The following ADGRG7 variants were observed in gnomAD, a reference collection of about 807,000 sequenced individuals.
ADGRG7 encodes G-protein coupled receptor 128.
A neutral mutation model predicts 88.6 loss-of-function variants in ADGRG7; 82 were observed. The ratio of observed to expected loss-of-function variants is 0.93; its 90% CI spans 0.77 to 1.11. ADGRG7 has a LOEUF of 1.11. Among genes scored for constraint, ADGRG7 ranks in the 50% most tolerant of loss-of-function variants. The probability of loss-of-function intolerance (pLI) is 0.00; values close to 1 mark genes in which losing one functional copy is unlikely to be tolerated. For synonymous variants in ADGRG7, 381 were observed against 345.2 expected (o/e 1.10, Z -1.15); for missense variants, 945 against 953.4 (o/e 0.99, Z 0.12).
At chr3:100,623,912 G>A (rs1446669646) in intron 1 of ADGRG7, among the ~76,000 whole-genome samples, 2 of 152,076 alleles carry the variant, frequency 1.3e-5, no homozygotes, top group African/African-American at 2.4e-5. Flanking sequence ...AGTATTTCAT[G>A]GTGTATATGT....
chr3:100,684,410 C>T (rs1237733720), intron 15 of ADGRG7, among the ~76,000 whole-genome samples: 1 of 151,952 alleles, frequency 6.6e-6, no homozygotes, highest in Non-Finnish European at 1.5e-5. Context: ...ACTACAGGCA[C>T]GTGGCACCAT....
chr3:100,686,567 G>C (rs1215027325), intron 15 of ADGRG7, among the ~76,000 whole-genome samples: 3 of 152,172 alleles, frequency 2.0e-5, no homozygotes, highest in Non-Finnish European at 4.4e-5. Flanking sequence ...GTATAAGGAA[G>C]GGATCCAGTT....
At chr3:100,683,722 G>T (rs1049073845) in intron 15 of ADGRG7, among the ~76,000 whole-genome samples, 5 of 152,224 alleles carry the variant, frequency 3.3e-5, no homozygotes, top group African/African-American at 1.2e-4. Flanking sequence ...TGTTGGCAAA[G>T]GTGCCACTGG....
At chr3:100,681,178 T>TA (rs918216324) in intron 15 of ADGRG7, among the ~76,000 whole-genome samples, 7 of 151,970 alleles carry the variant, frequency 4.6e-5, no homozygotes, top group African/African-American at 1.7e-4. Flanking sequence ...AAATGGTGGA[T>TA]AAAAATAAAT....
chr3:100,652,143 T>C, intron 11 of ADGRG7, among the ~76,000 whole-genome samples: 1 of 152,110 alleles, frequency 6.6e-6, no homozygotes, highest in East Asian at 1.9e-4. Context: ...TATAAAAAGA[T>C]TCTTCTGAGT....
At chr3:100,665,938 C>A (rs1246558765) in intron 14 of ADGRG7, among the ~76,000 whole-genome samples, 1 of 152,068 alleles carries the variant, frequency 6.6e-6, no homozygotes, top group East Asian at 1.9e-4. Context: ...AACAAATTGC[C>A]CCAAAACTTA....
chr3:100,657,374 G>T (rs1476806328), intron 13 of ADGRG7, among the ~76,000 whole-genome samples: 1 of 152,170 alleles, frequency 6.6e-6, no homozygotes, highest in Non-Finnish European at 1.5e-5. Flanking sequence ...CTCCCCTGTT[G>T]CTCCCAGTTC....
intron 1 of ADGRG7, among the ~76,000 whole-genome samples, chr3:100,617,344 A>G (rs1307573973): frequency 1.3e-5 from 2 of 150,424 alleles, no homozygotes. Context: ...AACATTAGGT[A>G]TATCTCCTAA....
intron 15 of ADGRG7, among the ~76,000 whole-genome samples, chr3:100,671,210 C>T (rs1408273961): frequency 5.9e-5 from 9 of 152,220 alleles, no homozygotes; most frequent in Admixed American, 4.6e-4. Flanking sequence ...TCTCCAGCAT[C>T]TGTTGTTACC....
At chr3:100,676,727 G>A (rs888139658) in intron 15 of ADGRG7, among the ~76,000 whole-genome samples, 15 of 151,640 alleles carry the variant, frequency 9.9e-5, no homozygotes, top group African/African-American at 3.4e-4. Flanking sequence ...GTCGTATTAG[G>A]GTATATATCT....
In ADGRG7 at chr3:100,655,966, G is replaced by A. The variant is rs41272977; in HGVS notation, c.1794G>A (p.Gln598=). 5.6e-3 allele frequency: 8,952 copies of A among 1,608,392 alleles called. 50 individuals are homozygous for A. Among genetic ancestry groups the A allele is most frequent in the African/African-American group, 0.018 (1,383 of 74,904 alleles). The part of the protein sequence containing the change: ...VIYSQNGNNP[Q]WELDYRQEKI... ...ATTCTCAGAATGGAAATAATCCACA[G>A]TGGGAATTAGACTACCGGCAAGAGA... Residue 598 remains glutamine (Q), a synonymous_variant, in exon 13 of 16, where the codon CAG becomes CAA. Coordinates refer to ENST00000273352, the MANE Select transcript of ADGRG7 (RefSeq NM_032787.3).
In ADGRG7 at chr3:100,648,837, T is replaced by C. The variant is rs1200096892; in HGVS notation, c.1267-858T>C. On this transcript the variant is annotated intron_variant, in intron 10 of 15. Transcript: ENST00000273352. ...ACAGATAAGCAAAATGAACTATACA[T>C]ATCCAACCCACCCTGTGACCACCAC... Among the ~76,000 whole-genome samples, 8 of 152,122 alleles carry C rather than the reference T, an allele frequency of 5.3e-5. No homozygotes were observed. The East Asian group carries it at 1.5e-3, about 29-fold the overall frequency.
At chr3:100,611,147 T>TA (rs1441165727) in intron 1 of ADGRG7, among the ~76,000 whole-genome samples, 3 of 152,232 alleles carry the variant, frequency 2.0e-5, no homozygotes, top group Non-Finnish European at 2.9e-5. Flanking sequence ...TCATTCAGGT[T>TA]AAAAAATTAT....
chr3:100,644,997 C>T (rs1707716956), intron 8 of ADGRG7, among the ~76,000 whole-genome samples: 1 of 152,242 alleles, frequency 6.6e-6, no homozygotes, highest in Non-Finnish European at 1.5e-5. Context: ...ACAATGGCCA[C>T]AGAGGAGGAC....
At chr3:100,650,089 C>T (rs2094926783) in intron 11 of ADGRG7, among the ~76,000 whole-genome samples, 1 of 152,162 alleles carries the variant, frequency 6.6e-6, no homozygotes, top group South Asian at 2.1e-4. Flanking sequence ...GCTATAATTC[C>T]TCAGTGTTGA....
intron 6 of ADGRG7, 111 bp downstream of exon 6, chr3:100,637,513 T>C: frequency 4.1e-6 from 3 of 723,720 alleles, no homozygotes; most frequent in Admixed American, 2.2e-5. Flanking sequence ...AGTAACTGAC[T>C]GATTCCTCTG....
In ADGRG7 at chr3:100,655,972, A is replaced by T; in HGVS notation, c.1800A>T (p.Glu600Asp). ...YSQNGNNPQW[E>D]LDYRQEKICW... ...AGAATGGAAATAATCCACAGTGGGA[A>T]TTAGACTACCGGCAAGAGAAAATGT... The change falls in exon 13 of 16, where the codon GAA becomes GAT. Residue 600 changes from glutamate (E) to aspartate (D), a missense_variant. Transcript: ENST00000273352. 1 of 1,606,832 alleles carries T rather than the reference A, an allele frequency of 6.2e-7. No homozygotes were observed. The highest frequency in any genetic ancestry group is 1.7e-5 in the Admixed American group (1 of 60,014).
In ADGRG7 at chr3:100,629,580, T is replaced by G. The variant is rs1411214250; in HGVS notation, c.116-18T>G. 1.9e-6 allele frequency: 3 copies of G among 1,559,824 alleles called. No individual in the cohort carries two copies. Among genetic ancestry groups the G allele is most frequent in the Non-Finnish European group, 2.7e-6 (3 of 1,131,436 alleles). ...ATCAGCCAGTTCATGACTATTCTGTTATTTATTGTTTCTTTAGGAAAATCT... is the reference window on the plus strand; with the variant it reads ...ATCAGCCAGTTCATGACTATTCTGTGATTTATTGTTTCTTTAGGAAAATCT... On this transcript the variant is annotated intron_variant, in intron 1 of 15. Transcript: ENST00000273352.
chr3:100,638,024 G>C (rs1380790821), intron 6 of ADGRG7, among the ~76,000 whole-genome samples: 1 of 152,178 alleles, frequency 6.6e-6, no homozygotes, highest in African/African-American at 2.4e-5. Flanking sequence ...ATCCAGAGGG[G>C]TGCCTGCAAC....
Sources: allele counts gnomAD v4.1 joint callset (sites outside exome capture counted in the v4.1 genomes callset), GRCh38; gene constraint gnomAD v4.1.1; transcripts MANE v1.5; gene names NCBI Gene and HGNC (gene_info 2026-07-23, HGNC 2026-07-21).